Variants in SMAD2 observed in about 807,000 individuals in gnomAD.
The protein encoded by SMAD2 is MAD homolog 2.
Under a neutral mutation model 64.4 loss-of-function variants are expected in SMAD2, and 8 were observed. The ratio of observed to expected loss-of-function variants is 0.12; its 90% CI spans 0.07 to 0.22. SMAD2 has a LOEUF of 0.22. SMAD2 is among the 10% of genes least tolerant of loss of function. SMAD2 has a pLI of 1.00. For synonymous variants in SMAD2, 203 were observed against 195.8 expected (o/e 1.04, Z -0.31); for missense variants, 289 against 561.2 (o/e 0.51, Z 4.90).
chr18:47,886,923 CA>C (rs11432634), intron 2 of SMAD2: 2,124 of 126,376 alleles, frequency 0.017, 23 homozygotes, highest in African/African-American at 0.048. Flanking sequence ...TGATTATATG[CA>C]AAAAAAAAAA....
chr18:47,907,949 C>T (rs2033972257), intron 1 of SMAD2, among the ~76,000 whole-genome samples: 1 of 152,206 alleles, frequency 6.6e-6, no homozygotes, highest in South Asian at 2.1e-4. Flanking sequence ...AAAACACTCA[C>T]AGAACTGAAC....
At chr18:47,862,528 A>G (rs975962580) in intron 6 of SMAD2, among the ~76,000 whole-genome samples, 3 of 152,204 alleles carry the variant, frequency 2.0e-5, no homozygotes, top group African/African-American at 7.2e-5. Context: ...TTCATATAGC[A>G]CATTCCTCCC....
intron 5 of SMAD2, among the ~76,000 whole-genome samples, chr18:47,867,713 G>GT (rs2031666423): frequency 6.6e-6 from 1 of 150,458 alleles, no homozygotes. Flanking sequence ...ATATCGTGGA[G>GT]TATTACTGGA....
At chr18:47,921,020 G>A (rs139124931) in intron 1 of SMAD2, among the ~76,000 whole-genome samples, 1 of 152,284 alleles carries the variant, frequency 6.6e-6, no homozygotes, top group African/African-American at 2.4e-5. Context: ...GCTGGATATG[G>A]TAGGCATGCG....
chr18:47,923,820 C>T (rs1398911533), intron 1 of SMAD2, among the ~76,000 whole-genome samples: 1 of 152,150 alleles, frequency 6.6e-6, no homozygotes, highest in Non-Finnish European at 1.5e-5. Context: ...TTAAGTCTGA[C>T]TACTACTGGT....
chr18:47,844,649 C>A lies in SMAD2; in HGVS notation c.1280+691G>T, dbSNP rs535566729. On this transcript the variant is annotated intron_variant, in intron 10 of 10. Coordinates refer to ENST00000262160, the MANE Select transcript of SMAD2 (RefSeq NM_005901.6). ...CAACCACTTATAATGTAACCTTGGG[C>A]AAATTATCAGCTTTCTATGTCTATT... 3.9e-5 allele frequency among the ~76,000 whole-genome samples: 6 copies of A among 152,314 alleles called. No homozygotes were observed. In the South Asian group the frequency reaches 6.2e-4, roughly 16 times the overall value.
chr18:47,845,300 T>C (rs773129890), intron 10 of SMAD2, 40 bp downstream of exon 10: 8 of 1,578,748 alleles, frequency 5.1e-6, no homozygotes, highest in Non-Finnish European at 8.7e-7. Flanking sequence ...GAAACATAAT[T>C]ACACTGTGGA....
chr18:47,866,750 TG>T (rs1277663921), intron 5 of SMAD2: 2 of 152,190 alleles, frequency 1.3e-5, no homozygotes, highest in African/African-American at 4.8e-5. Context: ...GTGAACCCTT[TG>T]GTTTTGCTGT....
chr18:47,867,670 A>C (rs77561450), intron 5 of SMAD2, among the ~76,000 whole-genome samples: 5 of 151,418 alleles, frequency 3.3e-5, no homozygotes, highest in Non-Finnish European at 7.4e-5. Flanking sequence ...AAAAAAAAAA[A>C]AGAAACCATA....
intron 1 of SMAD2, among the ~76,000 whole-genome samples, chr18:47,906,510 T>C (rs1457832373): frequency 6.6e-6 from 1 of 152,188 alleles, no homozygotes; most frequent in African/African-American, 2.4e-5. Context: ...ACTAAAACCA[T>C]AATGCAATAC....
In SMAD2 at chr18:47,816,107, G is replaced by A. The variant is rs897828543; in HGVS notation, c.*25720C>T. On this transcript the variant is annotated 3_prime_UTR_variant, in exon 11 of 11. Coordinates refer to ENST00000262160, the MANE Select transcript of SMAD2 (RefSeq NM_005901.6). ...CCTCATGTCTTGGCTTCTAGAGCCCGGAGATAAGATCAGCTTCCCTTGAAA... is the reference window on the plus strand; with the variant it reads ...CCTCATGTCTTGGCTTCTAGAGCCCAGAGATAAGATCAGCTTCCCTTGAAA... 7 of 152,174 alleles carry A rather than the reference G, an allele frequency of 4.6e-5. No homozygotes were observed. Among genetic ancestry groups the A allele is most frequent in the Admixed American group, 1.3e-4 (2 of 15,276 alleles). The allele number at this position is 152,174 out of a possible 1,614,324, so 9.4% of individuals were successfully genotyped here.
Position 47,898,383 on chromosome 18 carries a change from C to T in SMAD2, c.-53-1574G>A, listed in dbSNP as rs567493648. On this transcript the variant is annotated intron_variant, in intron 1 of 10. Coordinates refer to ENST00000262160, the MANE Select transcript of SMAD2 (RefSeq NM_005901.6). ...AAAGGGGGTGAAAAGATGAAAAAGG[C>T]TGAATGATATGGCCATTGTGTATGT... is the stretch of plus-strand genomic sequence containing the variant. Among the ~76,000 whole-genome samples the T allele has an allele frequency of 5.9e-5, 9 of 152,190 alleles. No homozygotes were observed. In the East Asian group the frequency reaches 1.5e-3, roughly 26 times the overall value.
chr18:47,903,235 T>C (rs2033759416), intron 1 of SMAD2, among the ~76,000 whole-genome samples: 1 of 152,030 alleles, frequency 6.6e-6, no homozygotes. Flanking sequence ...CTCAGGACAT[T>C]GATCTACCGA....
chr18:47,853,752 GGC>G (rs2144326387), intron 6 of SMAD2, among the ~76,000 whole-genome samples: 1 of 28,678 alleles, frequency 3.5e-5, no homozygotes, highest in Admixed American at 4.8e-4. Context: ...AAAATCTGCT[GGC>G]AAGTCACAAA....
In SMAD2 at chr18:47,869,505, G is replaced by A. The variant is rs79504033; in HGVS notation, c.327-69C>T. 1.0e-3 allele frequency: 1,081 copies of A among 1,075,904 alleles called. 5 individuals are homozygous for A. The African/African-American group carries it at 0.014, about 14-fold the overall frequency. The allele number at this position is 1,075,904 out of a possible 1,614,324, so 66.6% of individuals were successfully genotyped here. On this transcript the variant is annotated intron_variant, in intron 3 of 10. Transcript: ENST00000262160. ...AAAAAAAAAAAAAGTGCAGTCAAAT[G>A]GGCTAAATTAGTACAATAAAAGCAT...
chr18:47,929,794 C>G (rs2034922565), intron 1 of SMAD2, among the ~76,000 whole-genome samples: 1 of 152,048 alleles, frequency 6.6e-6, no homozygotes, highest in South Asian at 2.1e-4. Flanking sequence ...TTTTAAAAAC[C>G]AAGTTTGAAA....
chr18:47,871,266 G>C (rs535057270), intron 2 of SMAD2, among the ~76,000 whole-genome samples: 24 of 152,196 alleles, frequency 1.6e-4, no homozygotes, highest in Non-Finnish European at 2.9e-4. Context: ...TTTTGGAATG[G>C]AACTTTGACA....
rs1054968629 is a variant in SMAD2 at position 47,815,217 on chromosome 18, G to C, written c.*26610C>G. On this transcript the variant is annotated 3_prime_UTR_variant, in exon 11 of 11. Coordinates refer to ENST00000262160, the MANE Select transcript of SMAD2 (RefSeq NM_005901.6). ...GAGATAGGCTATTTGAATCGAAAGAGAACGTTATCTTTGATTGGCAAGTTT... is the reference window on the plus strand; with the variant it reads ...GAGATAGGCTATTTGAATCGAAAGACAACGTTATCTTTGATTGGCAAGTTT... The C allele has an allele frequency of 6.6e-6, 1 of 152,212 alleles. No homozygotes were observed. The allele number at this position is 152,212 out of a possible 1,614,324, so 9.4% of individuals were successfully genotyped here.
chr18:47,895,411 T>C (rs2033393560), intron 2 of SMAD2: 1 of 152,210 alleles, frequency 6.6e-6, no homozygotes, highest in African/African-American at 2.4e-5. Context: ...CTGCATTTGG[T>C]TGTCTTCTTT....
Sources: gnomAD v4.1 joint callset for allele counts (sites outside exome capture counted in the v4.1 genomes callset) on GRCh38, gnomAD v4.1.1 for gene constraint, MANE v1.5 for transcripts, NCBI Gene and HGNC (gene_info 2026-07-23, HGNC 2026-07-21) for gene names.